Variants in E2F4 observed in about 807,000 individuals in gnomAD.
The protein encoded by E2F4 is E2F transcription factor 4.
E2F4 carries 16 observed loss-of-function variants against 44.5 expected under a neutral mutation model. The ratio of observed to expected loss-of-function variants is 0.36; its 90% CI spans 0.24 to 0.55. The LOEUF (loss-of-function observed/expected upper bound fraction) is 0.55. Among genes scored for constraint, E2F4 ranks in the 20% least tolerant of loss-of-function variants. The pLI, the probability that E2F4 is intolerant of heterozygous loss-of-function variation, is 0.87. For synonymous variants in E2F4, 242 were observed against 207.2 expected, an observed-to-expected ratio of 1.17 and a Z score of -1.44; for missense variants, 473 against 522.1, an observed-to-expected ratio of 0.91 and a Z score of 0.92.
At chr16:67,197,364 G>A (rs1259803748) in intron 7 of E2F4, among the ~76,000 whole-genome samples, 1 of 152,190 alleles carries the variant, frequency 6.6e-6, no homozygotes, top group Non-Finnish European at 1.5e-5. Context: ...TTCCGAGTTA[G>A]AAAAGCTGTA....
intron 7 of E2F4, among the ~76,000 whole-genome samples, chr16:67,196,352 G>C (rs1441611348): frequency 4.6e-5 from 7 of 152,142 alleles, no homozygotes; most frequent in Non-Finnish European, 7.4e-5. Context: ...TCACCTTTCA[G>C]GTTGCAGCAG....
intron 7 of E2F4, among the ~76,000 whole-genome samples, chr16:67,197,159 T>C (rs1417469452): frequency 6.6e-6 from 1 of 152,116 alleles, no homozygotes; most frequent in East Asian, 1.9e-4. Context: ...TTCTTCTGCT[T>C]CCCCTGTGTC....
intron 7 of E2F4, among the ~76,000 whole-genome samples, chr16:67,197,033 T>C (rs1397822232): frequency 6.6e-6 from 1 of 152,174 alleles, no homozygotes; most frequent in Non-Finnish European, 1.5e-5. Flanking sequence ...GACAGAAAAA[T>C]GTGGCATTTC....
intron 4 of E2F4, among the ~76,000 whole-genome samples, chr16:67,193,795 G>GGGGAGAGA (rs889034074): frequency 1.4e-5 from 2 of 140,004 alleles, no homozygotes; most frequent in Non-Finnish European, 2.9e-5. Context: ...GAGGCACAAG[G>GGGGAGAGA]GGGAGAGAGG....
intron 7 of E2F4, among the ~76,000 whole-genome samples, chr16:67,196,501 A>G (rs1229752173): frequency 6.6e-6 from 1 of 152,034 alleles, no homozygotes; most frequent in African/African-American, 2.4e-5. Context: ...TGGCATCATG[A>G]TGCCAGCTTT....
In E2F4 at chr16:67,192,315, G is replaced by A; in HGVS notation, c.88G>A (p.Val30Met). ...CCTGGGACTGCTCACCACCAAGTTCGTGTCCCTTCTGCAGGAGGCCAAGGA... is the reference window on the plus strand; with the variant it reads ...CCTGGGACTGCTCACCACCAAGTTCATGTCCCTTCTGCAGGAGGCCAAGGA... ...KSLGLLTTKF[V>M]SLLQEAKDGV... Residue 30 changes from valine (V) to methionine (M), a missense_variant, in exon 1 of 10, where the codon GTG becomes ATG. By Grantham distance (21) the Val-to-Met change is conservative. Around this residue, in one of 3 missense-constraint regions of E2F4, gnomAD observed 119 missense variants for 175.6 expected, o/e 0.68. Coordinates refer to ENST00000379378, the MANE Select transcript of E2F4 (RefSeq NM_001950.4). 2 of 1,429,698 alleles carry A rather than the reference G, an allele frequency of 1.4e-6. No homozygotes were observed. The highest frequency in any genetic ancestry group is 1.8e-6 in the Non-Finnish European group (2 of 1,089,302). The allele number at this position is 1,429,698 out of a possible 1,614,324, so 88.6% of individuals were successfully genotyped here. A position where few individuals can be genotyped will look rare whatever the true frequency, so the allele number is the denominator to read the frequency against.
In E2F4 at chr16:67,194,875, C is replaced by G; in HGVS notation, c.703C>G (p.Gln235Glu). ...ACCTCTGCCCAAGCCTGCCCTAGCC[C>G]AGTCCCAGGAAGCCTCACGTCCAAA... The part of the protein sequence containing the change: ...PPPLPKPALA[Q>E]SQEASRPNSP... The change falls in exon 6 of 10, where the codon CAG becomes GAG. Residue 235 changes from glutamine to glutamate, a missense_variant. Coordinates refer to ENST00000379378, the MANE Select transcript of E2F4 (RefSeq NM_001950.4). 1 of 1,614,164 alleles carries G rather than the reference C, an allele frequency of 6.2e-7. No homozygotes were observed. Among genetic ancestry groups the G allele is most frequent in the Non-Finnish European group, 8.5e-7 (1 of 1,180,030 alleles).
chr16:67,196,375 C>T (rs1281127518), intron 7 of E2F4, among the ~76,000 whole-genome samples: 2 of 152,222 alleles, frequency 1.3e-5, no homozygotes, highest in South Asian at 2.1e-4. Flanking sequence ...ACCCCCCCAG[C>T]CCCAGTGTTA....
chr16:67,196,872 T>C (rs1567688895), intron 7 of E2F4, among the ~76,000 whole-genome samples: 1 of 152,152 alleles, frequency 6.6e-6, no homozygotes, highest in Non-Finnish European at 1.5e-5. Context: ...GCCCACCCCA[T>C]GCCAGCTAAC....
chr16:67,194,927 T>TC lies in E2F4; in HGVS notation c.758dup (p.Gly254TrpfsTer14). On this transcript the variant is annotated frameshift_variant, in exon 6 of 10. Coordinates refer to ENST00000379378, the MANE Select transcript of E2F4 (RefSeq NM_001950.4). LOFTEE classifies it high-confidence loss of function. Reference sequence around the variant, plus strand: ...AGTCCTCAGCTCACTCCCACTGCTGTCCCTGGCAGTGCAGAAGTCCAGGGA... The same window carrying TC: ...AGTCCTCAGCTCACTCCCACTGCTGTCCCCTGGCAGTGCAGAAGTCCAGGGA... The TC allele has an allele frequency of 1.9e-6, 3 of 1,614,130 alleles. No homozygotes were observed. The highest frequency in any genetic ancestry group is 2.5e-6 in the Non-Finnish European group (3 of 1,180,022).
chr16:67,192,482 T>A, intron 1 of E2F4, 120 bp downstream of exon 1: 1 of 1,315,922 alleles, frequency 7.6e-7, no homozygotes, highest in Non-Finnish European at 9.9e-7. Flanking sequence ...GTGTGCTTTC[T>A]CACAGGAGAG....
In E2F4 at chr16:67,194,475, A is replaced by C. The variant is rs765168266; in HGVS notation, c.513+16A>C. 11 of 1,613,456 alleles carry C rather than the reference A, an allele frequency of 6.8e-6. No individual in the cohort carries two copies. The highest frequency in any genetic ancestry group is 9.3e-6 in the Non-Finnish European group (11 of 1,180,006). On this transcript the variant is annotated intron_variant, in intron 5 of 9. Coordinates refer to ENST00000379378, the MANE Select transcript of E2F4 (RefSeq NM_001950.4). ...CATCCCAGAGGTGGGTGCTTAGCCC[A>C]GGCAGGCGGGGTCAGCTGAGGGCGG... is the stretch of plus-strand genomic sequence containing the variant.
chr16:67,197,621 G>C lies in E2F4; in HGVS notation c.1056G>C (p.Leu352=). Residue 352 remains leucine (L), a synonymous_variant, in exon 8 of 10, where the codon CTG becomes CTC. Coordinates refer to ENST00000379378, the MANE Select transcript of E2F4 (RefSeq NM_001950.4). ...CAGTTTTGGAACTCCCCAAAGAGCT[G>C]TCAGAAATCTTTGATCCCACACGAG... is the stretch of plus-strand genomic sequence containing the variant. ...PTGVLELPKE[L]SEIFDPTREC... 6.2e-7 allele frequency: 1 copy of C among 1,614,180 alleles called. No homozygotes were observed. The highest frequency in any genetic ancestry group is 8.5e-7 in the Non-Finnish European group (1 of 1,180,030).
chr16:67,192,885 T>C lies in E2F4; in HGVS notation c.245+15T>C, dbSNP rs764808524. The C allele has an allele frequency of 1.3e-5, 21 of 1,601,920 alleles. No homozygotes were observed. The highest frequency in any genetic ancestry group is 1.7e-5 in the Non-Finnish European group (20 of 1,173,190). ...ATCCAGTGGAAGTGAGTGGGCATAG[T>C]GGGAGGGTAGTAGAGTCTCCCACCC... On this transcript the variant is annotated intron_variant, in intron 2 of 9. Transcript: ENST00000379378.
chr16:67,193,572 G>A, intron 4 of E2F4, 57 bp downstream of exon 4: 1 of 1,580,408 alleles, frequency 6.3e-7, no homozygotes. Flanking sequence ...AAAGTCCTGA[G>A]CACTGGGCTC....
At chr16:67,195,681 G>C (rs2032955365) in intron 6 of E2F4, 101 bp from the exon 7 acceptor site, 16 of 1,560,138 alleles carry the variant, frequency 1.0e-5, no homozygotes, top group Non-Finnish European at 1.3e-5. Flanking sequence ...TTGGGTCTGG[G>C]AACCAGGCTT....
Position 67,193,018 on chromosome 16 carries a change from G to T in E2F4, c.255G>T (p.Gly85=), listed in dbSNP as rs141264556. Residue 85 remains glycine, a synonymous_variant, in exon 3 of 10, where the codon GGG becomes GGT. Transcript: ENST00000379378. ...SKNSIQWKGV[G]PGCNTREIAD... is the part of the protein sequence containing the mutation. ...CACTCCCTGGGCTCAGGGGTGTGGG[G>T]CCTGGCTGCAATACCCGGGAGATTG... 1.9e-6 allele frequency: 3 copies of T among 1,570,950 alleles called. No homozygotes were observed. Among genetic ancestry groups the T allele is most frequent in the Admixed American group, 3.8e-5 (2 of 53,232 alleles).
chr16:67,192,497 C>G, intron 1 of E2F4, 135 bp downstream of exon 1: 1 of 1,264,908 alleles, frequency 7.9e-7, no homozygotes, highest in Non-Finnish European at 1.0e-6. Context: ...GGAGAGAAGC[C>G]GGGGGATGTT....
chr16:67,194,934 C>T lies in E2F4; in HGVS notation c.762C>T (p.Gly254=). ...SPQLTPTAVP[G]SAEVQGMAGP... ...AGCTCACTCCCACTGCTGTCCCTGGCAGTGCAGAAGTCCAGGGAATGGCTG... is the reference window on the plus strand; with the variant it reads ...AGCTCACTCCCACTGCTGTCCCTGGTAGTGCAGAAGTCCAGGGAATGGCTG... Residue 254 remains glycine (G), a synonymous_variant, in exon 6 of 10, where the codon GGC becomes GGT. Coordinates refer to ENST00000379378, the MANE Select transcript of E2F4 (RefSeq NM_001950.4). 2 of 1,614,166 alleles carry T rather than the reference C, an allele frequency of 1.2e-6. No homozygotes were observed. The highest frequency in any genetic ancestry group is 1.7e-6 in the Non-Finnish European group (2 of 1,180,032).
Sources: gnomAD v4.1 joint callset for allele counts (sites outside exome capture counted in the v4.1 genomes callset) on GRCh38, gnomAD v4.1.1 for gene constraint, gnomAD v4.1.1 regional missense constraint, MANE v1.5 for transcripts, NCBI Gene and HGNC (gene_info 2026-07-23, HGNC 2026-07-21) for gene names.